Variants in TFAM observed in about 807,000 individuals in gnomAD.
TFAM encodes mitochondrial transcription factor 1.
Under a neutral mutation model 30.6 loss-of-function variants are expected in TFAM, and 13 were observed. The observed-to-expected ratio is 0.42, with a 90% CI of 0.28 to 0.67. The LOEUF is 0.67. Ranked by LOEUF, TFAM falls within the 30% of genes least tolerant of loss-of-function variation. The pLI is 0.21. For synonymous variants in TFAM, 106 were observed against 94.8 expected, an observed-to-expected ratio of 1.12 and a Z score of -0.69; for missense variants, 231 against 293.7, an observed-to-expected ratio of 0.79 and a Z score of 1.56.
chr10:58,390,075 C>A (rs1840563143), intron 4 of TFAM, among the ~76,000 whole-genome samples: 1 of 152,124 alleles, frequency 6.6e-6, no homozygotes, highest in African/African-American at 2.4e-5. Flanking sequence ...TCAGAGGAGC[C>A]CTACTTACAG....
chr10:58,394,838 A>G, intron 6 of TFAM, 90 bp from the exon 7 acceptor site: 2 of 1,306,750 alleles, frequency 1.5e-6, no homozygotes, highest in South Asian at 1.3e-5. Context: ...AAGTATATAC[A>G]GAAGCATTCC....
chr10:58,385,931 G>C (rs1840479556), intron 1 of TFAM, among the ~76,000 whole-genome samples: 1 of 152,208 alleles, frequency 6.6e-6, no homozygotes, highest in South Asian at 2.1e-4. Flanking sequence ...TTCGCGCCGA[G>C]TCTCCGGCCA....
At chr10:58,389,403 T>C (rs183916437) in intron 4 of TFAM, among the ~76,000 whole-genome samples, 14 of 152,340 alleles carry the variant, frequency 9.2e-5, no homozygotes, top group Admixed American at 2.6e-4. Context: ...TTGAAAGTTA[T>C]ACATTTTTTT....
chr10:58,389,063 C>T (rs540478797), intron 4 of TFAM, among the ~76,000 whole-genome samples: 1 of 152,252 alleles, frequency 6.6e-6, no homozygotes, highest in Admixed American at 6.5e-5. Flanking sequence ...TTAAGGTGTA[C>T]AGTTCGTAGA....
rs1053300867 is a variant in TFAM, at chr10:58,398,229, A to G, written c.*3155A>G. 2.6e-5 allele frequency: 4 copies of G among 152,154 alleles called. No homozygotes were observed. Among genetic ancestry groups the G allele is most frequent in the African/African-American group, 4.8e-5 (2 of 41,422 alleles). The allele number at this position is 152,154 out of a possible 1,614,324, so 9.4% of individuals were successfully genotyped here. On this transcript the variant is annotated 3_prime_UTR_variant, in exon 7 of 7. Transcript: ENST00000487519. ...GTGCAGACCATCAAGCCTTGCTATT[A>G]TTTTTTAGACTTTTCTTAATTTCAT...
At chr10:58,390,325 A>G (rs1589012985) in intron 4 of TFAM, among the ~76,000 whole-genome samples, 1 of 152,218 alleles carries the variant, frequency 6.6e-6, no homozygotes, top group East Asian at 1.9e-4. Context: ...GGAGCTTTAA[A>G]GGTGGAGACA....
chr10:58,386,366 T>C (rs751849382), intron 2 of TFAM, 28 bp downstream of exon 2: 2 of 1,471,462 alleles, frequency 1.4e-6, no homozygotes, highest in African/African-American at 2.8e-5. Context: ...ATATACCCTT[T>C]TCTCATGTAA....
At position 58,395,701 on chromosome 10, in the gene TFAM, ATT is replaced by A; in HGVS notation, c.*630_*631del. 3.3e-6 allele frequency: 1 copy of A among 299,592 alleles called. No homozygotes were observed. Among genetic ancestry groups the A allele is most frequent in the South Asian group, 1.5e-4 (1 of 6,816 alleles). The allele number at this position is 299,592 out of a possible 1,614,324, so 18.6% of individuals were successfully genotyped here. On this transcript the variant is annotated 3_prime_UTR_variant, in exon 7 of 7. Transcript: ENST00000487519. ...ATTATGTGCCAGATTTATGCATATTATTTTATGTTGCATAGAATAAAATTTTT... is the reference window on the plus strand; with the variant it reads ...ATTATGTGCCAGATTTATGCATATTATTATGTTGCATAGAATAAAATTTTT...
At chr10:58,393,446 T>C (rs1017523433) in intron 5 of TFAM, among the ~76,000 whole-genome samples, 2 of 152,222 alleles carry the variant, frequency 1.3e-5, no homozygotes, top group Non-Finnish European at 2.9e-5. Context: ...TAGCTTTCTT[T>C]TGTCAGTTAA....
At position 58,394,357 on chromosome 10, in the gene TFAM, G is replaced by A; in HGVS notation, c.538-1G>A. On this transcript the variant is annotated splice_acceptor_variant, in intron 5 of 6. Transcript: ENST00000487519. LOFTEE classifies it high-confidence loss of function. ...TAACTTAAACATATATTGTTTTACA[G>A]GAAAAGCTGAAGACTGTAAAGGAAA... The A allele has an allele frequency of 6.2e-7, 1 of 1,611,728 alleles. No homozygotes were observed. Among genetic ancestry groups the A allele is most frequent in the Non-Finnish European group, 8.5e-7 (1 of 1,178,080 alleles).
Position 58,388,703 on chromosome 10 carries a change from G to T in TFAM, c.325G>T (p.Val109Leu). 6.2e-7 allele frequency: 1 copy of T among 1,613,610 alleles called. No individual in the cohort carries two copies. Among genetic ancestry groups the T allele is most frequent in the Non-Finnish European group, 8.5e-7 (1 of 1,179,848 alleles). ...YQDAYRAEWQVYKEEISRFKE... is the reference protein window; with the variant it reads ...YQDAYRAEWQLYKEEISRFKE... ...AGATGCTTATAGGGCGGAGTGGCAG[G>T]TATATAAAGAAGAGATAAGCAGATT... The change falls in exon 4 of 7, where the codon GTA becomes TTA. Residue 109 changes from valine (V) to leucine (L), a missense_variant. Coordinates refer to ENST00000487519, the MANE Select transcript of TFAM (RefSeq NM_003201.3).
chr10:58,396,020 T>C lies in TFAM; in HGVS notation c.*946T>C, dbSNP rs990969475. On this transcript the variant is annotated 3_prime_UTR_variant, in exon 7 of 7. Transcript: ENST00000487519. ...AATCCAGCCTGCTGCCTGCTTTTTA[T>C]GGCCTGTGAGCTAGGAATTGTGTTT... 1 of 172,330 alleles carries C rather than the reference T, an allele frequency of 5.8e-6. No individual in the cohort carries two copies. The highest frequency in any genetic ancestry group is 2.3e-5 in the African/African-American group (1 of 42,594). 10.7% of individuals were successfully genotyped at this position (172,330 alleles called of 1,614,324 possible).
At chr10:58,385,760 G>A (rs1840474487) in intron 1 of TFAM, 112 bp downstream of exon 1, 8 of 878,000 alleles carry the variant, frequency 9.1e-6, no homozygotes, top group Middle Eastern at 2.9e-4. Flanking sequence ...GAGTCACCCT[G>A]GTTCTTTGAT....
intron 5 of TFAM, among the ~76,000 whole-genome samples, chr10:58,391,660 G>A (rs752214244): frequency 6.6e-6 from 1 of 151,500 alleles, no homozygotes; most frequent in South Asian, 2.1e-4. Flanking sequence ...TCATCCCACT[G>A]TTGTCATGTT....
At chr10:58,386,434 G>A in intron 2 of TFAM, 96 bp downstream of exon 2, 1 of 910,220 alleles carries the variant, frequency 1.1e-6, no homozygotes. Context: ...AAAGCATTCA[G>A]TGACTGCAGG....
At chr10:58,386,802 C>A in intron 2 of TFAM, 1 of 661,374 alleles carries the variant, frequency 1.5e-6, no homozygotes, top group Non-Finnish European at 1.9e-6. Context: ...ACCTTTTCAT[C>A]ATAGGAGTTC....
At chr10:58,386,430 T>C in intron 2 of TFAM, 92 bp downstream of exon 2, 1 of 929,038 alleles carries the variant, frequency 1.1e-6, no homozygotes, top group Non-Finnish European at 1.8e-6. Context: ...TGCTAAAGCA[T>C]TCAGTGACTG....
chr10:58,388,655 GT>G lies in TFAM; in HGVS notation c.292-9del, dbSNP rs34084383. ...AGCAATGGTTTGTTGACTTACTTGG[GT>G]TTTTTATTTATAGATATATCAAGAT... On this transcript the variant is annotated splice_polypyrimidine_tract_variant and intron_variant, in intron 3 of 6. Coordinates refer to ENST00000487519, the MANE Select transcript of TFAM (RefSeq NM_003201.3). 5.0e-6 allele frequency: 8 copies of G among 1,612,742 alleles called. No individual in the cohort carries two copies. In the South Asian group the frequency reaches 8.8e-5, roughly 18 times the overall value.
chr10:58,387,024 G>C (rs992854926), intron 2 of TFAM, among the ~76,000 whole-genome samples: 5 of 152,180 alleles, frequency 3.3e-5, no homozygotes, highest in African/African-American at 1.2e-4. Context: ...AGCACTTCGG[G>C]AGGTCGAGAT....
Sources: allele counts gnomAD v4.1 joint callset (sites outside exome capture counted in the v4.1 genomes callset), GRCh38; gene constraint gnomAD v4.1.1; transcripts MANE v1.5; gene names NCBI Gene and HGNC (gene_info 2026-07-23, HGNC 2026-07-21).